NRXN3: variants seen among roughly 807,000 people sequenced by gnomAD.
NRXN3 encodes the protein neurexin 3.
NRXN3 carries 32 observed loss-of-function variants against 137.6 expected under a neutral mutation model. That is an observed-to-expected ratio of 0.23 (90% CI 0.18 to 0.31). The LOEUF is 0.31. NRXN3 is among the 10% of genes least tolerant of loss of function. The pLI is 1.00. For synonymous variants in NRXN3, 798 were observed against 784.5 expected (o/e 1.02, Z -0.29); for missense variants, 1,574 against 2,062.5 (o/e 0.76, Z 4.59).
rs141778818 is a variant in NRXN3 at position 78,758,288 on chromosome 14, G to A, written c.2044+43149G>A. On this transcript the variant is annotated intron_variant, in intron 8 of 20. Coordinates refer to ENST00000335750, the MANE Select transcript of NRXN3 (RefSeq NM_001330195.2). ...CAGACAATGGGACTACTCTAATAGC[G>A]AATTTAAAATAATGTTGTAAAAGTG... is the stretch of plus-strand genomic sequence containing the variant. Among the ~76,000 whole-genome samples, 12 of 152,206 alleles carry A rather than the reference G, an allele frequency of 7.9e-5. No homozygotes were observed. In the East Asian group the frequency reaches 2.3e-3, roughly 29 times the overall value.
intron 15 of NRXN3, among the ~76,000 whole-genome samples, chr14:79,211,184 C>G (rs2067609339): frequency 6.6e-6 from 1 of 152,132 alleles, no homozygotes; most frequent in Admixed American, 6.5e-5. Flanking sequence ...AACTAGTTAA[C>G]CTTTCTGTGC....
At chr14:78,244,397 T>C (rs1220677323) in intron 2 of NRXN3, among the ~76,000 whole-genome samples, 1 of 149,820 alleles carries the variant, frequency 6.7e-6, no homozygotes, top group Non-Finnish European at 1.5e-5. Flanking sequence ...ACCACTGCAC[T>C]CCAGCCTGGG....
chr14:78,389,710 A>G (rs897520579), intron 4 of NRXN3, among the ~76,000 whole-genome samples: 6 of 152,052 alleles, frequency 3.9e-5, no homozygotes, highest in South Asian at 2.1e-4. Flanking sequence ...AATTTTGTTT[A>G]TGATGTTCTT....
At chr14:79,174,532 T>C (rs749623916) in intron 15 of NRXN3, among the ~76,000 whole-genome samples, 4 of 128,860 alleles carry the variant, frequency 3.1e-5, no homozygotes, top group Non-Finnish European at 7.0e-5. Flanking sequence ...CACACATATA[T>C]ATGCTTTGAT....
At chr14:78,175,643 G>T (rs1383983961) in intron 1 of NRXN3, among the ~76,000 whole-genome samples, 1 of 152,178 alleles carries the variant, frequency 6.6e-6, no homozygotes, top group Non-Finnish European at 1.5e-5. Context: ...AGCAAGTGCG[G>T]TGCTGTGGCT....
At chr14:78,933,270 T>C (rs2099327260) in intron 10 of NRXN3, among the ~76,000 whole-genome samples, 1 of 152,206 alleles carries the variant, frequency 6.6e-6, no homozygotes, top group Non-Finnish European at 1.5e-5. Context: ...TGCATGAAAA[T>C]ATAAACGTTA....
chr14:79,316,553 C>T (rs1172867009), intron 15 of NRXN3, among the ~76,000 whole-genome samples: 1 of 152,178 alleles, frequency 6.6e-6, no homozygotes, highest in Non-Finnish European at 1.5e-5. Flanking sequence ...GAAGCAGTGA[C>T]ATTCATCATC....
intron 19 of NRXN3, among the ~76,000 whole-genome samples, chr14:79,751,031 T>C (rs1362144289): frequency 6.6e-6 from 1 of 152,148 alleles, no homozygotes; most frequent in Admixed American, 6.6e-5. Flanking sequence ...TTCTTTTGGC[T>C]TAGGATTGAC....
chr14:78,460,198 C>T (rs138016222), intron 4 of NRXN3, among the ~76,000 whole-genome samples: 2 of 152,364 alleles, frequency 1.3e-5, no homozygotes, highest in African/African-American at 4.8e-5. Flanking sequence ...TCCAGCACAC[C>T]ACCCTCCAGG....
chr14:78,667,403 G>C (rs928909075), intron 6 of NRXN3, among the ~76,000 whole-genome samples: 14 of 152,110 alleles, frequency 9.2e-5, no homozygotes, highest in African/African-American at 3.4e-4. Context: ...TAGCTATTTT[G>C]TCATTCAGTT....
chr14:78,641,259 TTAAGA>T (rs1283574811), intron 4 of NRXN3, among the ~76,000 whole-genome samples: 1 of 152,132 alleles, frequency 6.6e-6, no homozygotes, highest in Non-Finnish European at 1.5e-5. Flanking sequence ...TGGAAGGAAA[TTAAGA>T]TAGATTGGAG....
intron 15 of NRXN3, among the ~76,000 whole-genome samples, chr14:79,132,744 C>T (rs2057717864): frequency 6.6e-6 from 1 of 152,172 alleles, no homozygotes; most frequent in Non-Finnish European, 1.5e-5. Flanking sequence ...TCCCTAGGAA[C>T]AGACTCTGAG....
intron 19 of NRXN3, among the ~76,000 whole-genome samples, chr14:79,797,254 A>G (rs1006527023): frequency 6.6e-6 from 1 of 152,208 alleles, no homozygotes; most frequent in Non-Finnish European, 1.5e-5. Flanking sequence ...ATCTCATTTC[A>G]TGGCTATATG....
chr14:78,548,216 T>G (rs2096654211), intron 4 of NRXN3, among the ~76,000 whole-genome samples: 1 of 151,334 alleles, frequency 6.6e-6, no homozygotes, highest in South Asian at 2.1e-4. Context: ...ACAACTCTAG[T>G]TAAAAACTTA....
At chr14:79,358,354 C>G (rs989505289) in intron 15 of NRXN3, among the ~76,000 whole-genome samples, 1 of 151,500 alleles carries the variant, frequency 6.6e-6, no homozygotes. Context: ...GCCGATCACG[C>G]GGTCAGGAGA....
chr14:78,379,151 T>G (rs907087651), intron 4 of NRXN3, among the ~76,000 whole-genome samples: 1 of 152,076 alleles, frequency 6.6e-6, no homozygotes, highest in African/African-American at 2.4e-5. Flanking sequence ...AAAAGAAACT[T>G]CTAGGCCCAG....
intron 17 of NRXN3, among the ~76,000 whole-genome samples, chr14:79,665,190 C>G (rs569378264): frequency 3.9e-5 from 6 of 152,026 alleles, no homozygotes; most frequent in Non-Finnish European, 8.8e-5. Flanking sequence ...GCTAGAGTCC[C>G]GCTATATCTG....
intron 19 of NRXN3, among the ~76,000 whole-genome samples, chr14:79,796,173 T>C (rs924133163): frequency 6.6e-6 from 1 of 152,188 alleles, no homozygotes; most frequent in African/African-American, 2.4e-5. Context: ...TCAACAGGCA[T>C]CTGATCTAGA....
Position 78,752,024 on chromosome 14 carries a change from C to T in NRXN3, c.2044+36885C>T, listed in dbSNP as rs183891883. Among the ~76,000 whole-genome samples, 149 of 152,244 alleles carry T rather than the reference C, an allele frequency of 9.8e-4. 1 individual carries two copies. Among genetic ancestry groups the T allele is most frequent in the South Asian group, 6.0e-3 (29 of 4,818 alleles). On this transcript the variant is annotated intron_variant, in intron 8 of 20. Transcript: ENST00000335750. ...AGGCAGAATTCATCTCAGCAGAAAC[C>T]GAAGTCACCAATGGCAAGTGTTCGT...
Sources: gnomAD v4.1 joint callset for allele counts (sites outside exome capture counted in the v4.1 genomes callset) on GRCh38, gnomAD v4.1.1 for gene constraint, MANE v1.5 for transcripts, NCBI Gene and HGNC (gene_info 2026-07-23, HGNC 2026-07-21) for gene names.